The following ASTN2 variants were observed in gnomAD, a reference collection of about 807,000 sequenced individuals.
ASTN2 encodes the protein astrotactin 2.
ASTN2 carries 54 observed loss-of-function variants against 139.8 expected under a neutral mutation model. The ratio of observed to expected loss-of-function variants is 0.39; its 90% CI spans 0.31 to 0.48. The LOEUF is 0.48. Ranked by LOEUF, ASTN2 falls within the 20% of genes least tolerant of loss-of-function variation. The probability of loss-of-function intolerance (pLI) is 0.95; values close to 1 mark genes in which losing one functional copy is unlikely to be tolerated. For missense variants in ASTN2, 1,565 were observed against 1,725.1 expected (o/e 0.91, Z 1.64); for synonymous variants, 756 against 719.5 (o/e 1.05, Z -0.81).
intron 7 of ASTN2, among the ~76,000 whole-genome samples, chr9:116,990,435 T>C (rs1160044455): frequency 1.3e-5 from 2 of 149,406 alleles, no homozygotes; most frequent in East Asian, 4.0e-4. Context: ...CTCGGCTAGT[T>C]TTCTATTTTT....
chr9:116,982,840 T>C (rs1401087813), intron 7 of ASTN2, among the ~76,000 whole-genome samples: 1 of 152,194 alleles, frequency 6.6e-6, no homozygotes, highest in Non-Finnish European at 1.5e-5. Context: ...GTTCCTGTGT[T>C]TCCAGAGCTA....
At chr9:116,688,365 G>A (rs1049680101) in intron 16 of ASTN2, among the ~76,000 whole-genome samples, 8 of 152,078 alleles carry the variant, frequency 5.3e-5, no homozygotes, top group African/African-American at 1.4e-4. Context: ...GGTGTCTTGG[G>A]CTGCTAAAGA....
chr9:116,775,656 A>G, intron 13 of ASTN2, among the ~76,000 whole-genome samples: 1 of 105,584 alleles, frequency 9.5e-6, no homozygotes, highest in African/African-American at 3.6e-5. Context: ...CAGGAAGGGA[A>G]GGGAAGGAGG....
chr9:117,348,903 G>A (rs1024404522), intron 1 of ASTN2, among the ~76,000 whole-genome samples: 2 of 141,958 alleles, frequency 1.4e-5, no homozygotes, highest in Admixed American at 1.4e-4. Flanking sequence ...AAAAAAAAGT[G>A]TGTGTAGCAT....
chr9:116,703,672 C>T (rs980537850), intron 16 of ASTN2, among the ~76,000 whole-genome samples: 126 of 150,210 alleles, frequency 8.4e-4, no homozygotes, highest in African/African-American at 2.8e-3. Flanking sequence ...CACATGTATA[C>T]GTATGTAACT....
At chr9:116,590,094 C>T (rs1412532248) in intron 19 of ASTN2, among the ~76,000 whole-genome samples, 1 of 152,198 alleles carries the variant, frequency 6.6e-6, no homozygotes, top group Non-Finnish European at 1.5e-5. Context: ...GCAGCAGGGG[C>T]TGAGTGCTCC....
intron 17 of ASTN2, among the ~76,000 whole-genome samples, chr9:116,637,854 C>T (rs76515254): frequency 6.0e-4 from 92 of 152,222 alleles, no homozygotes; most frequent in Non-Finnish European, 1.1e-3. Flanking sequence ...GTTGGAGGAT[C>T]GCTTGAGCCA....
At chr9:116,757,080 T>A (rs909109505) in intron 13 of ASTN2, among the ~76,000 whole-genome samples, 1 of 152,132 alleles carries the variant, frequency 6.6e-6, no homozygotes, top group Non-Finnish European at 1.5e-5. Context: ...TCTCCTTCCC[T>A]TTTTTTGAGG....
intron 13 of ASTN2, among the ~76,000 whole-genome samples, chr9:116,775,970 A>G (rs4836850): frequency 0.4 from 61,497 of 152,018 alleles, 14,202 homozygotes; most frequent in Non-Finnish European, 0.52. Context: ...CATAAAGGAA[A>G]AGGCAGCATC....
At chr9:117,108,411 C>T (rs1829159434) in intron 4 of ASTN2, among the ~76,000 whole-genome samples, 1 of 138,224 alleles carries the variant, frequency 7.2e-6, no homozygotes, top group Non-Finnish European at 1.6e-5. Context: ...ACAATTGTGC[C>T]CTTTGGAAAA....
intron 10 of ASTN2, among the ~76,000 whole-genome samples, chr9:116,910,654 TCAAA>T (rs1172840167): frequency 5.3e-5 from 8 of 151,934 alleles, no homozygotes; most frequent in Non-Finnish European, 8.8e-5. Context: ...GGGACTGGAC[TCAAA>T]CAGACACAGG....
At chr9:117,310,262 CA>C (rs1827932667) in intron 1 of ASTN2, among the ~76,000 whole-genome samples, 1 of 152,136 alleles carries the variant, frequency 6.6e-6, no homozygotes, top group African/African-American at 2.4e-5. Context: ...CCTATAGCCC[CA>C]GGGGTGGAAG....
intron 10 of ASTN2, among the ~76,000 whole-genome samples, chr9:116,897,181 A>G (rs1833899287): frequency 6.6e-6 from 1 of 152,232 alleles, no homozygotes; most frequent in Non-Finnish European, 1.5e-5. Context: ...TGCAGGTGAC[A>G]GCTGTCAAGG....
rs1183432578 is a variant in ASTN2 at position 116,789,767 on chromosome 9, G to T, written c.2396+15865C>A. On this transcript the variant is annotated intron_variant, in intron 13 of 22. Coordinates refer to ENST00000313400, the MANE Select transcript of ASTN2 (RefSeq NM_001365068.1). Reference sequence around the variant, plus strand: ...CAAAGAAAGTAATGCTGGCAAATTTGCATCTCACATGATTTCAAGTGTGAC... The same window carrying T: ...CAAAGAAAGTAATGCTGGCAAATTTTCATCTCACATGATTTCAAGTGTGAC... Among the ~76,000 whole-genome samples, 6 of 152,112 alleles carry T rather than the reference G, an allele frequency of 3.9e-5. 1 individual carries two copies. Among genetic ancestry groups the T allele is most frequent in the Admixed American group, 2.6e-4 (4 of 15,272 alleles).
intron 1 of ASTN2, among the ~76,000 whole-genome samples, chr9:117,329,182 T>C (rs866854748): frequency 4.4e-3 from 516 of 116,380 alleles, no homozygotes; most frequent in South Asian, 0.024. Flanking sequence ...TCCAAGTTCT[T>C]TTTTTTTTTT....
At chr9:116,653,614 A>C (rs1373493173) in intron 16 of ASTN2, among the ~76,000 whole-genome samples, 4 of 152,202 alleles carry the variant, frequency 2.6e-5, no homozygotes, top group Non-Finnish European at 5.9e-5. Context: ...TAGTAATGTC[A>C]AGGCAAGCTC....
At chr9:116,895,807 A>C (rs1031145978) in intron 10 of ASTN2, among the ~76,000 whole-genome samples, 10 of 152,314 alleles carry the variant, frequency 6.6e-5, no homozygotes, top group Admixed American at 5.2e-4. Flanking sequence ...ATGCCAATAG[A>C]GCACTGGGGC....
chr9:117,271,820 C>T (rs1264385533), intron 2 of ASTN2, among the ~76,000 whole-genome samples: 1 of 152,228 alleles, frequency 6.6e-6, no homozygotes, highest in African/African-American at 2.4e-5. Flanking sequence ...AGGTTCCCAA[C>T]GTCTTGGGCA....
Position 116,976,640 on chromosome 9 carries a change from G to A in ASTN2, c.1676+61C>T, listed in dbSNP as rs542320016. 250 of 1,449,026 alleles carry A rather than the reference G, an allele frequency of 1.7e-4. No individual in the cohort carries two copies. The African/African-American group carries it at 3.0e-3, about 18-fold the overall frequency. 89.8% of individuals were successfully genotyped at this position (1,449,026 alleles called of 1,614,324 possible). The stretch of plus-strand genomic sequence containing the variant: ...GAGATGCTTGGGGCCTCTGGTAACA[G>A]AACAGAGGAGGTAAAAGTGGGTCCT... On this transcript the variant is annotated intron_variant, in intron 8 of 22. Coordinates refer to ENST00000313400, the MANE Select transcript of ASTN2 (RefSeq NM_001365068.1).
Sources: allele counts gnomAD v4.1 joint callset (sites outside exome capture counted in the v4.1 genomes callset), GRCh38; gene constraint gnomAD v4.1.1; transcripts MANE v1.5; gene names NCBI Gene and HGNC (gene_info 2026-07-23, HGNC 2026-07-21).